BCR: variants seen among roughly 807,000 people sequenced by gnomAD.
BCR encodes the protein BCR activator of RhoGEF and GTPase, also known as breakpoint cluster region protein.
In BCR, 58 loss-of-function variants were observed where a neutral mutation model predicts 138.6. The observed-to-expected ratio is 0.42, with a 90% CI of 0.34 to 0.52. BCR has a LOEUF of 0.52. Among genes scored for constraint, BCR ranks in the 20% least tolerant of loss-of-function variants. BCR has a pLI of 0.06. For synonymous variants in BCR, 786 were observed against 730.1 expected, an observed-to-expected ratio of 1.08 and a Z score of -1.23; for missense variants, 1,599 against 1,727.2, an observed-to-expected ratio of 0.93 and a Z score of 1.32.
At chr22:23,291,318 A>AG (rs2073784243) in intron 14 of BCR, among the ~76,000 whole-genome samples, 2 of 151,946 alleles carry the variant, frequency 1.3e-5, no homozygotes, top group Admixed American at 1.3e-4. Context: ...GATGAACCCA[A>AG]GGGGGACTTT....
intron 1 of BCR, among the ~76,000 whole-genome samples, chr22:23,185,760 G>T (rs1306501130): frequency 6.0e-5 from 9 of 150,164 alleles, no homozygotes; most frequent in Non-Finnish European, 1.3e-4. Flanking sequence ...GCGGAGCCTC[G>T]CTCTGTCGCC....
intron 16 of BCR, among the ~76,000 whole-genome samples, chr22:23,300,222 C>T: frequency 6.6e-6 from 1 of 152,138 alleles, no homozygotes; most frequent in Non-Finnish European, 1.5e-5. Flanking sequence ...TCCTCCTGCC[C>T]CCAGCTCCTG....
At chr22:23,297,822 T>C (rs1456372583) in intron 16 of BCR, among the ~76,000 whole-genome samples, 3 of 148,520 alleles carry the variant, frequency 2.0e-5, no homozygotes, top group Non-Finnish European at 3.0e-5. Context: ...GGGGTCTCAG[T>C]GAAAGAGAGA....
Position 23,299,984 on chromosome 22 carries a change from C to T in BCR, c.3012+4829C>T, listed in dbSNP as rs1321045937. On this transcript the variant is annotated intron_variant, in intron 16 of 22. Coordinates refer to ENST00000305877, the MANE Select transcript of BCR (RefSeq NM_004327.4). ...CAGCCTTTTTATCTTAGCCAGAAGG[C>T]TGAGAAGTAATTCCTTCCTTTTTAA... Among the ~76,000 whole-genome samples the T allele has an allele frequency of 2.0e-5, 3 of 152,294 alleles. No homozygotes were observed. The East Asian group carries it at 5.8e-4, about 29-fold the overall frequency.
chr22:23,239,380 A>G (rs73152635), intron 1 of BCR, among the ~76,000 whole-genome samples: 2,327 of 152,306 alleles, frequency 0.015, 25 homozygotes, highest in Non-Finnish European at 0.024. Flanking sequence ...GCTTCTGAGC[A>G]GGTGCCCGGC....
chr22:23,241,369 G>C (rs1305181879), intron 1 of BCR, among the ~76,000 whole-genome samples: 1 of 152,156 alleles, frequency 6.6e-6, no homozygotes, highest in South Asian at 2.1e-4. Flanking sequence ...TCTTTGGAGG[G>C]GCAGTGAGTG....
rs563561526 is a variant in BCR at position 23,206,147 on chromosome 22, A to G, written c.1279+23908A>G. Among the ~76,000 whole-genome samples the G allele has an allele frequency of 3.7e-4, 57 of 152,292 alleles. 1 individual carries two copies. Among genetic ancestry groups the G allele is most frequent in the African/African-American group, 1.4e-3 (57 of 41,566 alleles). On this transcript the variant is annotated intron_variant, in intron 1 of 22. Transcript: ENST00000305877. Reference sequence around the variant, plus strand: ...TCTTCCCTGTTTCCTGCTGCTTCCCAGGGCTGAATGAATATTCCCTGAAAC... The same window carrying G: ...TCTTCCCTGTTTCCTGCTGCTTCCCGGGGCTGAATGAATATTCCCTGAAAC...
intron 10 of BCR, among the ~76,000 whole-genome samples, 178 bp downstream of exon 10, chr22:23,285,379 T>A (rs969145528): frequency 6.6e-6 from 1 of 152,184 alleles, no homozygotes; most frequent in Non-Finnish European, 1.5e-5. Context: ...GGTGTCCAGT[T>A]GTTCTGAGAA....
chr22:23,262,722 A>G, intron 4 of BCR: 11 of 485,226 alleles, frequency 2.3e-5, no homozygotes, highest in Non-Finnish European at 2.9e-5. Flanking sequence ...GGCCCGGGTG[A>G]GGGCGGGGGC....
In BCR at chr22:23,316,021, C is replaced by G. The variant is rs373651654; in HGVS notation, c.*499C>G. 10,171 of 200,158 alleles carry G rather than the reference C, an allele frequency of 0.051. 367 individuals are homozygous for G. The highest frequency in any genetic ancestry group is 0.082 in the East Asian group (945 of 11,460). The allele number at this position is 200,158 out of a possible 1,614,324, so 12.4% of individuals were successfully genotyped here. On this transcript the variant is annotated 3_prime_UTR_variant, in exon 23 of 23. Transcript: ENST00000305877. ...CCATTTCCCTGACTTAGAAACCACA[C>G]TCCACTTCTAACAGGGTTTGAGAGG... is the stretch of plus-strand genomic sequence containing the variant.
At chr22:23,250,405 C>T (rs2073210988) in intron 1 of BCR, among the ~76,000 whole-genome samples, 1 of 152,202 alleles carries the variant, frequency 6.6e-6, no homozygotes, top group Non-Finnish European at 1.5e-5. Context: ...TTAGACGTTT[C>T]GCAGCCTGAA....
chr22:23,291,688 AT>A (rs1435434370), intron 14 of BCR, among the ~76,000 whole-genome samples: 1 of 151,854 alleles, frequency 6.6e-6, no homozygotes, highest in African/African-American at 2.4e-5. Flanking sequence ...AACCAAACCT[AT>A]TATTCATGGA....
At chr22:23,260,577 A>G (rs1279990953) in intron 2 of BCR, among the ~76,000 whole-genome samples, 2 of 152,102 alleles carry the variant, frequency 1.3e-5, no homozygotes, top group Non-Finnish European at 2.9e-5. Flanking sequence ...GTGGGCTCTG[A>G]CGCCCCCTCA....
In BCR at chr22:23,309,065, C is replaced by G. The variant is rs192565540; in HGVS notation, c.3013-359C>G. On this transcript the variant is annotated intron_variant, in intron 16 of 22. Coordinates refer to ENST00000305877, the MANE Select transcript of BCR (RefSeq NM_004327.4). ...GATGCCAGGCCCCCAGGAGTTGTTA[C>G]TGAAGTTGCTGCTGGACAGCTCACC... Among the ~76,000 whole-genome samples the G allele has an allele frequency of 9.4e-3, 1,437 of 152,294 alleles. 20 individuals carry two copies. Among genetic ancestry groups the G allele is most frequent in the African/African-American group, 0.033 (1,365 of 41,552 alleles).
chr22:23,201,429 T>A (rs930661603), intron 1 of BCR, among the ~76,000 whole-genome samples: 1 of 151,640 alleles, frequency 6.6e-6, no homozygotes, highest in Non-Finnish European at 1.5e-5. Flanking sequence ...CACAGCTGTT[T>A]GCTTTTCTCT....
chr22:23,262,687 G>T lies in BCR; in HGVS notation c.1752+1147G>T, dbSNP rs1198905685. 87 of 687,398 alleles carry T rather than the reference G, an allele frequency of 1.3e-4. 1 individual carries two copies. The South Asian group carries it at 5.0e-3, about 40-fold the overall frequency. The allele number at this position is 687,398 out of a possible 1,614,324, so 42.6% of individuals were successfully genotyped here. A position where few individuals can be genotyped will look rare whatever the true frequency, so the allele number is the denominator to read the frequency against. ...AGGGCCGCTGGGTGTGGGGCCGCCGGGAATGGCGGGCCCGGGTGAGGGCGG... is the reference window on the plus strand; with the variant it reads ...AGGGCCGCTGGGTGTGGGGCCGCCGTGAATGGCGGGCCCGGGTGAGGGCGG... On this transcript the variant is annotated intron_variant, in intron 4 of 22. Coordinates refer to ENST00000305877, the MANE Select transcript of BCR (RefSeq NM_004327.4).
chr22:23,202,754 T>C (rs1486717787), intron 1 of BCR, among the ~76,000 whole-genome samples: 1 of 98,850 alleles, frequency 1.0e-5, no homozygotes, highest in African/African-American at 5.4e-5. Context: ...TGTGTATATA[T>C]ATATATATTT....
At chr22:23,222,742 G>A (rs1387311027) in intron 1 of BCR, among the ~76,000 whole-genome samples, 3 of 152,288 alleles carry the variant, frequency 2.0e-5, no homozygotes, top group Non-Finnish European at 1.5e-5. Context: ...CCTCCCTCAT[G>A]CCCATGCTGT....
chr22:23,276,543 G>A (rs1478556616), intron 8 of BCR, among the ~76,000 whole-genome samples: 2 of 152,246 alleles, frequency 1.3e-5, no homozygotes, highest in Non-Finnish European at 2.9e-5. Flanking sequence ...GCAAAGCAAG[G>A]TGGAGGACTA....
Sources: allele counts gnomAD v4.1 joint callset (sites outside exome capture counted in the v4.1 genomes callset), GRCh38; gene constraint gnomAD v4.1.1; transcripts MANE v1.5; gene names NCBI Gene and HGNC (gene_info 2026-07-23, HGNC 2026-07-21).